POU2AF2: variants seen among roughly 807,000 people sequenced by gnomAD.
POU2AF2 encodes POU domain class 2-associating factor 2.
At chr11:111,273,244 G>A in the POU2AF2 span, among the ~76,000 whole-genome samples, 1 of 151,706 alleles carries the variant, frequency 6.6e-6, no homozygotes, top group African/African-American at 2.4e-5. Context: ...TTTCTGGGGA[G>A]ATGTTACAAC....
the POU2AF2 span, among the ~76,000 whole-genome samples, chr11:111,255,029 C>T: frequency 6.6e-6 from 1 of 152,168 alleles, no homozygotes; most frequent in African/African-American, 2.4e-5. Flanking sequence ...AAAAGGTTCT[C>T]TTATTATTTC....
At chr11:111,268,293 A>G in the POU2AF2 span, among the ~76,000 whole-genome samples, 1 of 152,108 alleles carries the variant, frequency 6.6e-6, no homozygotes, top group African/African-American at 2.4e-5. Context: ...ATTACAGGAA[A>G]TACGGTCTTC....
chr11:111,272,229 G>C, the POU2AF2 span, among the ~76,000 whole-genome samples: 1 of 151,960 alleles, frequency 6.6e-6, no homozygotes, highest in Non-Finnish European at 1.5e-5. Flanking sequence ...TCTATGTTTT[G>C]ATGTGCTAAA....
chr11:111,271,334 A>T, the POU2AF2 span, among the ~76,000 whole-genome samples: 21 of 152,152 alleles, frequency 1.4e-4, 1 homozygote, highest in South Asian at 4.4e-3. Context: ...AAAAAAAAAA[A>T]GAAAGAGAGT....
chr11:111,269,065 G>A, the POU2AF2 span, among the ~76,000 whole-genome samples: 3 of 152,006 alleles, frequency 2.0e-5, no homozygotes, highest in Non-Finnish European at 4.4e-5. Context: ...ATTTTGCAAG[G>A]TTATTGATAA....
At chr11:111,249,628 T>G in the POU2AF2 span, among the ~76,000 whole-genome samples, 1 of 152,164 alleles carries the variant, frequency 6.6e-6, no homozygotes, top group African/African-American at 2.4e-5. Flanking sequence ...CTTCCCAAAC[T>G]CGACTGTCTT....
the POU2AF2 span, among the ~76,000 whole-genome samples, chr11:111,246,026 A>G: frequency 2.6e-5 from 4 of 152,350 alleles, no homozygotes; most frequent in African/African-American, 9.6e-5. Context: ...ACCTATTTAG[A>G]ACTCTTGGTA....
chr11:111,282,002 G>C, the POU2AF2 span, among the ~76,000 whole-genome samples: 1 of 152,028 alleles, frequency 6.6e-6, no homozygotes, highest in Admixed American at 6.6e-5. Context: ...TAAGGGAAAG[G>C]AATAAGAGCA....
chr11:111,263,859 C>T, the POU2AF2 span, among the ~76,000 whole-genome samples: 4 of 152,152 alleles, frequency 2.6e-5, no homozygotes, highest in African/African-American at 9.7e-5. Flanking sequence ...AGTTACTTAA[C>T]CTTGCTGCTA....
chr11:111,284,730 G>A, the POU2AF2 span, among the ~76,000 whole-genome samples: 30 of 152,328 alleles, frequency 2.0e-4, no homozygotes, highest in African/African-American at 7.2e-4. Flanking sequence ...GAACACTGAA[G>A]CTGCATCTCA....
the POU2AF2 span, among the ~76,000 whole-genome samples, chr11:111,264,686 GAA>G: frequency 2.8e-5 from 4 of 143,370 alleles, no homozygotes; most frequent in African/African-American, 1.0e-4. Context: ...GAAGGAGAGA[GAA>G]AGACAGAGAA....
the POU2AF2 span, among the ~76,000 whole-genome samples, chr11:111,252,830 T>C: frequency 6.6e-6 from 1 of 152,078 alleles, no homozygotes; most frequent in Non-Finnish European, 1.5e-5. Flanking sequence ...TAATTATCAC[T>C]CAATCTCTTG....
the POU2AF2 span, among the ~76,000 whole-genome samples, chr11:111,263,339 G>T: frequency 6.6e-6 from 1 of 151,302 alleles, no homozygotes; most frequent in Non-Finnish European, 1.5e-5. Context: ...CAGACAACTA[G>T]CTCTTACCCA....
At chr11:111,251,263 G>A in the POU2AF2 span, among the ~76,000 whole-genome samples, 1 of 152,156 alleles carries the variant, frequency 6.6e-6, no homozygotes, top group East Asian at 1.9e-4. Flanking sequence ...TAAAGAATAG[G>A]CTGTGAAAGA....
At chr11:111,258,724 A>T in the POU2AF2 span, among the ~76,000 whole-genome samples, 5 of 152,196 alleles carry the variant, frequency 3.3e-5, no homozygotes, top group East Asian at 9.6e-4. Context: ...TCCCATGTCT[A>T]CTATTATTGG....
At chr11:111,281,527 A>C in the POU2AF2 span, 1 of 1,412,350 alleles carries the variant, frequency 7.1e-7, no homozygotes, top group South Asian at 1.2e-5. Context: ...CGACCTTACA[A>C]CACTTCCAAA....
the POU2AF2 span, among the ~76,000 whole-genome samples, chr11:111,247,722 G>T: frequency 6.6e-6 from 1 of 151,904 alleles, no homozygotes; most frequent in Non-Finnish European, 1.5e-5. Context: ...AGGAGGTGGA[G>T]GTTGCAGTGA....
chr11:111,268,480 TTATTTTATTTTATTTTA>T, the POU2AF2 span, among the ~76,000 whole-genome samples: 75 of 23,968 alleles, frequency 3.1e-3, 4 homozygotes, highest in South Asian at 0.015. Flanking sequence ...TTTTCTTTTT[TTATTTTATTTTATTTTA>T]TTTTATTTTA....
the POU2AF2 span, among the ~76,000 whole-genome samples, chr11:111,270,950 C>G: frequency 2.6e-5 from 4 of 152,186 alleles, no homozygotes. Flanking sequence ...TACACTCACC[C>G]CACCAGTCAT....
Sources: gnomAD v4.1 joint callset for allele counts (sites outside exome capture counted in the v4.1 genomes callset) on GRCh38, gnomAD v4.1.1 for gene constraint, MANE v1.5 for transcripts, NCBI Gene and HGNC (gene_info 2026-07-23, HGNC 2026-07-21) for gene names.